Variants in RARB observed in about 807,000 individuals in gnomAD.
The protein encoded by RARB is retinoic acid receptor beta.
In RARB, 17 loss-of-function variants were observed where a neutral mutation model predicts 51.9. The ratio of observed to expected loss-of-function variants is 0.33; its 90% CI spans 0.22 to 0.49. The LOEUF is 0.49. RARB is among the 20% of genes least tolerant of loss of function. The pLI is 0.99. For missense variants in RARB, 369 were observed against 550.8 expected (o/e 0.67, Z 3.30); for synonymous variants, 215 against 195.4 (o/e 1.10, Z -0.84).
At chr3:24,851,828 T>C (rs796699218) in intron 1 of RARB, among the ~76,000 whole-genome samples, 7 of 152,356 alleles carry the variant, frequency 4.6e-5, no homozygotes, top group Admixed American at 1.3e-4. Flanking sequence ...AATTTTGAGA[T>C]GAAATTGTTC....
chr3:25,354,268 C>T (rs1156716850), intron 5 of RARB, among the ~76,000 whole-genome samples: 1 of 152,050 alleles, frequency 6.6e-6, no homozygotes, highest in Non-Finnish European at 1.5e-5. Context: ...GAAAAATCCC[C>T]TGTAACTTTT....
chr3:25,138,766 T>A (rs1700068942), intron 4 of RARB, among the ~76,000 whole-genome samples: 1 of 152,100 alleles, frequency 6.6e-6, no homozygotes, highest in South Asian at 2.1e-4. Flanking sequence ...CTAAATTAAT[T>A]AACATTTAAT....
intron 3 of RARB, among the ~76,000 whole-genome samples, chr3:25,548,065 CT>C (rs1699689810): frequency 1.3e-5 from 2 of 149,866 alleles, no homozygotes; most frequent in Admixed American, 1.3e-4. Flanking sequence ...TGCCCTCCCC[CT>C]GTAAAATATA....
intron 5 of RARB, among the ~76,000 whole-genome samples, chr3:25,308,806 G>A (rs1704214860): frequency 6.6e-6 from 1 of 151,942 alleles, no homozygotes; most frequent in African/African-American, 2.4e-5. Context: ...TGTTCCTCTT[G>A]TGGCAGAATG....
chr3:25,434,683 A>G (rs1708357166), intron 1 of RARB, among the ~76,000 whole-genome samples: 1 of 151,882 alleles, frequency 6.6e-6, no homozygotes, highest in Non-Finnish European at 1.5e-5. Context: ...CTGGGACTAC[A>G]GGCGTGTGCC....
At chr3:25,330,041 G>A (rs538737311) in intron 5 of RARB, among the ~76,000 whole-genome samples, 84 of 152,270 alleles carry the variant, frequency 5.5e-4, no homozygotes, top group African/African-American at 1.9e-3. Context: ...ACATCTGATT[G>A]GTGTACCTGA....
intron 2 of RARB, among the ~76,000 whole-genome samples, chr3:24,893,673 A>G (rs1436546401): frequency 6.7e-6 from 1 of 149,276 alleles, no homozygotes; most frequent in Admixed American, 6.6e-5. Context: ...GTGCAACAGC[A>G]TGCCTCACTG....
chr3:24,985,831 G>A (rs1275860219), intron 2 of RARB, among the ~76,000 whole-genome samples: 4 of 152,190 alleles, frequency 2.6e-5, no homozygotes. Context: ...GCCTGCTGCC[G>A]CGTTGGCAGC....
chr3:25,035,521 C>T (rs544143131), intron 2 of RARB, among the ~76,000 whole-genome samples: 22 of 142,062 alleles, frequency 1.5e-4, no homozygotes, highest in Admixed American at 6.6e-4. Context: ...ATCTGAGATA[C>T]ATTGAAGGAA....
Position 25,180,038 on chromosome 3 carries a change from A to G in RARB, c.178+5463A>G, listed in dbSNP as rs149630227. ...TGAATATGAATTAAAAACAAAAAGAATATCATTCACTTTGATCAGATTAAC... is the reference window on the plus strand; with the variant it reads ...TGAATATGAATTAAAAACAAAAAGAGTATCATTCACTTTGATCAGATTAAC... On this transcript the variant is annotated intron_variant, in intron 5 of 11. Transcript: ENST00000383772. Among the ~76,000 whole-genome samples, 353 of 152,314 alleles carry G rather than the reference A, an allele frequency of 2.3e-3. 2 individuals carry two copies. Among genetic ancestry groups the G allele is most frequent in the East Asian group, 0.02 (104 of 5,178 alleles).
At chr3:24,953,593 G>T (rs1404435174) in intron 2 of RARB, among the ~76,000 whole-genome samples, 1 of 152,202 alleles carries the variant, frequency 6.6e-6, no homozygotes, top group South Asian at 2.1e-4. Context: ...TTGCCATAGA[G>T]ATAACTGGAT....
In RARB at chr3:24,975,747, C is replaced by CT. The variant is rs2086168993; in HGVS notation, c.-379-84372dup. Among the ~76,000 whole-genome samples, 3 of 149,912 alleles carry CT rather than the reference C, an allele frequency of 2.0e-5. No individual in the cohort carries two copies. In the South Asian group the frequency reaches 6.4e-4, roughly 32 times the overall value. On this transcript the variant is annotated intron_variant, in intron 2 of 11. Coordinates refer to the RARB transcript ENST00000383772. ...TGTCATGCTGCTGCTAAATTTTCTT[C>CT]TTTTTTGGGGAGTTGGCTGTGATTT...
intron 3 of RARB, among the ~76,000 whole-genome samples, chr3:25,128,448 A>G (rs1417543862): frequency 6.7e-6 from 1 of 148,698 alleles, no homozygotes; most frequent in African/African-American, 2.4e-5. Context: ...CATATAATTT[A>G]TATATTTCTA....
chr3:25,324,096 A>G (rs1370592491), intron 5 of RARB: 3 of 152,244 alleles, frequency 2.0e-5, no homozygotes, highest in Non-Finnish European at 2.9e-5. Flanking sequence ...ACTGTGTACT[A>G]TTGAAGAGCA....
intron 3 of RARB, among the ~76,000 whole-genome samples, chr3:25,082,181 G>A (rs1699019308): frequency 1.3e-5 from 2 of 151,902 alleles, no homozygotes; most frequent in South Asian, 4.2e-4. Flanking sequence ...TGCTTTTAAA[G>A]AGTGTAGAAG....
At chr3:24,997,604 C>G (rs112087688) in intron 2 of RARB, among the ~76,000 whole-genome samples, 9 of 152,008 alleles carry the variant, frequency 5.9e-5, no homozygotes, top group South Asian at 2.1e-4. Flanking sequence ...AGGCTGGTCT[C>G]GAATTCTTGA....
intron 2 of RARB, among the ~76,000 whole-genome samples, chr3:24,964,027 C>G (rs1696200782): frequency 6.6e-6 from 1 of 152,078 alleles, no homozygotes; most frequent in East Asian, 1.9e-4. Context: ...CACAGAATTT[C>G]TCAGTATTTG....
At chr3:25,373,738 C>T (rs1238332206) in intron 5 of RARB, among the ~76,000 whole-genome samples, 1 of 152,106 alleles carries the variant, frequency 6.6e-6, no homozygotes, top group Non-Finnish European at 1.5e-5. Flanking sequence ...GACCACAGAA[C>T]CTCTCACACT....
chr3:25,426,525 T>A (rs1391181913), upstream of RARB, among the ~76,000 whole-genome samples: 1 of 152,222 alleles, frequency 6.6e-6, no homozygotes, highest in Non-Finnish European at 1.5e-5. Context: ...CAGCATGGGG[T>A]GGGGTGCCCC....
Sources: allele counts gnomAD v4.1 joint callset (sites outside exome capture counted in the v4.1 genomes callset), GRCh38; gene constraint gnomAD v4.1.1; transcripts MANE v1.5; gene names NCBI Gene and HGNC (gene_info 2026-07-23, HGNC 2026-07-21).